SIAH3: variants seen among roughly 807,000 people sequenced by gnomAD.
SIAH3 encodes seven in absentia homolog 3.
SIAH3 carries 9 observed loss-of-function variants against 12.6 expected under a neutral mutation model. That is an observed-to-expected ratio of 0.72 (90% CI 0.43 to 1.25). The LOEUF is 1.25. Among genes scored for constraint, SIAH3 ranks in the 50% most tolerant of loss-of-function variants. The pLI is 0.00. For missense variants in SIAH3, 390 were observed against 365.4 expected, an observed-to-expected ratio of 1.07 and a Z score of -0.55; for synonymous variants, 154 against 151.1, an observed-to-expected ratio of 1.02 and a Z score of -0.14.
intron 1 of SIAH3, among the ~76,000 whole-genome samples, chr13:45,850,280 A>G (rs978042761): frequency 6.6e-6 from 1 of 152,110 alleles, no homozygotes; most frequent in Admixed American, 6.6e-5. Context: ...GAGTGGGGGC[A>G]CCCATCAGCG....
intron 1 of SIAH3, among the ~76,000 whole-genome samples, chr13:45,831,403 G>A (rs1033114647): frequency 2.0e-5 from 3 of 151,986 alleles, no homozygotes; most frequent in Admixed American, 6.6e-5. Context: ...GGGGTCATGC[G>A]CAAATTGATA....
At chr13:45,827,601 G>A (rs145930677) in intron 1 of SIAH3, among the ~76,000 whole-genome samples, 220 of 152,286 alleles carry the variant, frequency 1.4e-3, no homozygotes, top group African/African-American at 4.7e-3. Flanking sequence ...GAACCCTAGA[G>A]CTGGATTCCT....
At chr13:45,823,273 G>A (rs1465278094) in intron 1 of SIAH3, among the ~76,000 whole-genome samples, 1 of 152,164 alleles carries the variant, frequency 6.6e-6, no homozygotes, top group Middle Eastern at 3.2e-3. Flanking sequence ...TAATCGGTCT[G>A]GGGTGGGCAC....
In SIAH3 at chr13:45,781,973, C is replaced by G. The variant is rs1415036658; in HGVS notation, c.*1410G>C. On this transcript the variant is annotated 3_prime_UTR_variant, in exon 2 of 2. Coordinates refer to ENST00000400405, the MANE Select transcript of SIAH3 (RefSeq NM_198849.3). The stretch of plus-strand genomic sequence containing the variant: ...TGGGAATGTGCTGGGGATGGGGTGC[C>G]TGACTTCTGCAGTGTCTGGAGAGCA... 1 of 151,902 alleles carries G rather than the reference C, an allele frequency of 6.6e-6. No homozygotes were observed. The highest frequency in any genetic ancestry group is 2.4e-5 in the African/African-American group (1 of 41,206). The allele number at this position is 151,902 out of a possible 1,614,324, so 9.4% of individuals were successfully genotyped here. A position where few individuals can be genotyped will look rare whatever the true frequency, so the allele number is the denominator to read the frequency against.
At chr13:45,805,995 G>T (rs899193868) in intron 1 of SIAH3, among the ~76,000 whole-genome samples, 1 of 152,086 alleles carries the variant, frequency 6.6e-6, no homozygotes, top group Non-Finnish European at 1.5e-5. Flanking sequence ...AATCATCAGA[G>T]AAATGCAAAT....
intron 1 of SIAH3, among the ~76,000 whole-genome samples, chr13:45,793,042 T>C (rs879840069): frequency 4.6e-5 from 7 of 152,252 alleles, no homozygotes; most frequent in Non-Finnish European, 8.8e-5. Flanking sequence ...ACATTAACTA[T>C]GAGCCTTTCT....
chr13:45,813,122 G>A (rs549663702), intron 1 of SIAH3, among the ~76,000 whole-genome samples: 1 of 151,922 alleles, frequency 6.6e-6, no homozygotes, highest in African/African-American at 2.4e-5. Context: ...ACTGAGTCCC[G>A]GACCTGATGG....
In SIAH3 at chr13:45,779,846, A is replaced by C. The variant is rs1472234964; in HGVS notation, c.*3537T>G. On this transcript the variant is annotated 3_prime_UTR_variant, in exon 2 of 2. Transcript: ENST00000400405. ...GCTAGTGATGGGGTTTACCAGGTAC[A>C]GATTCATGCAGATACCAATTGTTAA... 6.6e-6 allele frequency: 1 copy of C among 152,238 alleles called. No individual in the cohort carries two copies. The highest frequency in any genetic ancestry group is 1.9e-4 in the East Asian group (1 of 5,204). 9.4% of individuals were successfully genotyped at this position (152,238 alleles called of 1,614,324 possible).
chr13:45,783,721 T>G lies in SIAH3; in HGVS notation c.472A>C (p.Ile158Leu). Reference protein sequence around the residue: ...MHLPAPADWIIMHSCLGHHFL... With the variant: ...MHLPAPADWILMHSCLGHHFL... ...TGGTGGCCAAGGCAGGAGTGCATGA[T>G]GATCCAATCAGCCGGCGCGGGGAGG... Residue 158 changes from isoleucine (I) to leucine (L), a missense_variant, in exon 2 of 2, where the codon ATC (isoleucine) becomes CTC (leucine). Coordinates refer to ENST00000400405, the MANE Select transcript of SIAH3 (RefSeq NM_198849.3). 1 of 1,614,120 alleles carries G rather than the reference T, an allele frequency of 6.2e-7. No individual in the cohort carries two copies. The highest frequency in any genetic ancestry group is 8.5e-7 in the Non-Finnish European group (1 of 1,179,986).
At position 45,802,940 on chromosome 13, in the gene SIAH3, C is replaced by T. The variant is rs566614850; in HGVS notation, c.136-18883G>A. On this transcript the variant is annotated intron_variant, in intron 1 of 1. Coordinates refer to ENST00000400405, the MANE Select transcript of SIAH3 (RefSeq NM_198849.3). ...TACAAAAATTAGCTGGGCGTGGTGG[C>T]GGCCGCCTATAATCCCAGCTACTCA... Among the ~76,000 whole-genome samples the T allele has an allele frequency of 6.6e-4, 101 of 152,196 alleles. 1 individual carries two copies. In the South Asian group the frequency reaches 0.018, roughly 27 times the overall value.
rs1015540127 is a variant in SIAH3 at position 45,781,239 on chromosome 13, G to T, written c.*2144C>A. The T allele has an allele frequency of 2.6e-5, 4 of 152,626 alleles. No individual in the cohort carries two copies. The highest frequency in any genetic ancestry group is 2.6e-4 in the Admixed American group (4 of 15,288). The allele number at this position is 152,626 out of a possible 1,614,324, so 9.5% of individuals were successfully genotyped here. On this transcript the variant is annotated 3_prime_UTR_variant, in exon 2 of 2. Transcript: ENST00000400405. ...CCTGTGAATGTTAGTTATATTCTTAGTGAGGTTTTTGTTTGTTGATCTGGA... is the reference window on the plus strand; with the variant it reads ...CCTGTGAATGTTAGTTATATTCTTATTGAGGTTTTTGTTTGTTGATCTGGA...
chr13:45,819,722 A>G (rs114404661), intron 1 of SIAH3, among the ~76,000 whole-genome samples: 2,014 of 152,282 alleles, frequency 0.013, 42 homozygotes, highest in African/African-American at 0.046. Flanking sequence ...CCTCAGGGGC[A>G]GGGTCTCCAG....
intron 1 of SIAH3, among the ~76,000 whole-genome samples, chr13:45,791,751 G>A (rs1299789135): frequency 1.3e-5 from 2 of 152,144 alleles, no homozygotes; most frequent in African/African-American, 4.8e-5. Flanking sequence ...GATGCTTCAG[G>A]CATTCTCTTT....
chr13:45,832,373 G>A (rs543622697), intron 1 of SIAH3, among the ~76,000 whole-genome samples: 2 of 152,214 alleles, frequency 1.3e-5, no homozygotes, highest in African/African-American at 4.8e-5. Flanking sequence ...CTCATCCCTG[G>A]TAACCTGTAA....
At chr13:45,784,398 G>GTTTTTTTTTTTTTT (rs35686357) in intron 1 of SIAH3, among the ~76,000 whole-genome samples, 41 of 65,812 alleles carry the variant, frequency 6.2e-4, no homozygotes, top group Non-Finnish European at 7.7e-4. Context: ...AAAGACAGCT[G>GTTTTTTTTTTTTTT]TTTTTTTTTT....
chr13:45,801,094 G>A (rs1245074959), intron 1 of SIAH3, among the ~76,000 whole-genome samples: 1 of 71,708 alleles, frequency 1.4e-5, no homozygotes, highest in African/African-American at 4.8e-5. Context: ...GTGATGGGTG[G>A]CGGGGGGGGG....
At position 45,783,662 on chromosome 13, in the gene SIAH3, A is replaced by C; in HGVS notation, c.531T>G (p.His177Gln). ...TGGCAAAGAACTGGGGGTGCCCTTC[A>C]TGCCTCTCCTGTTTCCTCAGCACCA... ...FLLVLRKQER[H>Q]EGHPQFFATM... Residue 177 changes from histidine to glutamine, a missense_variant, in exon 2 of 2, where the codon CAT (histidine) becomes CAG (glutamine). His to Gln is a conservative substitution (Grantham distance 24). Coordinates refer to ENST00000400405, the MANE Select transcript of SIAH3 (RefSeq NM_198849.3). The C allele has an allele frequency of 2.5e-6, 4 of 1,614,080 alleles. No individual in the cohort carries two copies. Among genetic ancestry groups the C allele is most frequent in the Non-Finnish European group, 3.4e-6 (4 of 1,179,946 alleles).
intron 1 of SIAH3, among the ~76,000 whole-genome samples, chr13:45,849,756 A>G (rs1477572970): frequency 2.0e-5 from 3 of 152,250 alleles, no homozygotes; most frequent in African/African-American, 2.4e-5. Flanking sequence ...ACACCTCTCT[A>G]TTCTCCATCA....
At chr13:45,807,981 G>A (rs1950603597) in intron 1 of SIAH3, among the ~76,000 whole-genome samples, 3 of 152,142 alleles carry the variant, frequency 2.0e-5, no homozygotes, top group African/African-American at 7.2e-5. Flanking sequence ...GCTATTAAAT[G>A]TGTTCTTGAG....
Sources: gnomAD v4.1 joint callset for allele counts (sites outside exome capture counted in the v4.1 genomes callset) on GRCh38, gnomAD v4.1.1 for gene constraint, MANE v1.5 for transcripts, NCBI Gene and HGNC (gene_info 2026-07-23, HGNC 2026-07-21) for gene names.